Variants in PRRC2C observed in about 807,000 individuals in gnomAD.
PRRC2C encodes the protein proline rich coiled-coil 2C, also known as protein PRRC2C.
A neutral mutation model predicts 317.2 loss-of-function variants in PRRC2C; 72 were observed. That is an observed-to-expected ratio of 0.23 (90% CI 0.19 to 0.28). PRRC2C has a LOEUF of 0.28. PRRC2C is among the 10% of genes least tolerant of loss of function. The pLI, the probability that PRRC2C is intolerant of heterozygous loss-of-function variation, is 1.00. For synonymous variants in PRRC2C, 1,296 were observed against 1,205.9 expected (o/e 1.07, Z -1.55); for missense variants, 3,074 against 3,459.7 (o/e 0.89, Z 2.80).
At position 171,558,573 on chromosome 1, in the gene PRRC2C, T is replaced by C. The variant is rs546732300; in HGVS notation, c.6031+430T>C. On this transcript the variant is annotated intron_variant, in intron 19 of 34. Coordinates refer to ENST00000647382, the MANE Select transcript of PRRC2C (RefSeq NM_001387844.1). ...CAAATTTTTCATCATTTATCTGTTATGGTGGTCAGTTATCTTTGATATTGT... is the reference window on the plus strand; with the variant it reads ...CAAATTTTTCATCATTTATCTGTTACGGTGGTCAGTTATCTTTGATATTGT... Among the ~76,000 whole-genome samples, 21 of 152,346 alleles carry C rather than the reference T, an allele frequency of 1.4e-4. No individual in the cohort carries two copies. The East Asian group carries it at 2.9e-3, about 21-fold the overall frequency.
intron 16 of PRRC2C, among the ~76,000 whole-genome samples, chr1:171,542,576 C>G (rs960415619): frequency 6.6e-6 from 1 of 152,134 alleles, no homozygotes; most frequent in African/African-American, 2.4e-5. Flanking sequence ...CCTAATAAAC[C>G]TCTAATGCTA....
intron 1 of PRRC2C, among the ~76,000 whole-genome samples, chr1:171,506,645 G>T: frequency 7.1e-6 from 1 of 141,772 alleles, no homozygotes; most frequent in African/African-American, 2.6e-5. Context: ...TTTCCCATTG[G>T]ATAGCTTCTA....
At chr1:171,570,293 T>C (rs377210426) in intron 23 of PRRC2C, among the ~76,000 whole-genome samples, 1 of 152,320 alleles carries the variant, frequency 6.6e-6, no homozygotes, top group African/African-American at 2.4e-5. Context: ...CACATAGAAC[T>C]TTTGTCTTTC....
At chr1:171,578,464 A>T (rs1647705088) in intron 26 of PRRC2C, among the ~76,000 whole-genome samples, 1 of 152,056 alleles carries the variant, frequency 6.6e-6, no homozygotes, top group African/African-American at 2.4e-5. Flanking sequence ...GAGGTGAGAG[A>T]ATCATTTGAA....
At chr1:171,572,066 A>G (rs1684852667) in intron 24 of PRRC2C, among the ~76,000 whole-genome samples, 1 of 151,770 alleles carries the variant, frequency 6.6e-6, no homozygotes, top group South Asian at 2.1e-4. Context: ...GTGTTGTTTG[A>G]GAGTATTTTA....
chr1:171,557,441 ACTCCAGTTCCAGCCTCAACCTCAG>A lies in PRRC2C; in HGVS notation c.5334_5357del (p.Ser1784_Thr1791del). The A allele has an allele frequency of 1.3e-6, 2 of 1,546,232 alleles. No homozygotes were observed. The highest frequency in any genetic ancestry group is 1.7e-6 in the Non-Finnish European group (2 of 1,143,998). On this transcript the variant is annotated inframe_deletion, in exon 19 of 35. Coordinates refer to ENST00000647382, the MANE Select transcript of PRRC2C (RefSeq NM_001387844.1). ...CTCAGCTCCACTTCCGGCAACCTTA[ACTCCAGTTCCAGCCTCAACCTCAG>A]CTCCGGTTCCAGCCTCAACTTTAGC...
chr1:171,577,709 T>C, intron 26 of PRRC2C, 72 bp downstream of exon 26: 1 of 1,359,516 alleles, frequency 7.4e-7, no homozygotes. Context: ...TTTTGTCTCT[T>C]CTTACCCTTT....
chr1:171,577,289 A>T (rs1450676054), intron 25 of PRRC2C, 145 bp from the exon 26 acceptor site: 1 of 589,808 alleles, frequency 1.7e-6, no homozygotes, highest in Non-Finnish European at 2.9e-6. Flanking sequence ...TTTATAAGCT[A>T]CCTCATCTAC....
chr1:171,583,091 A>G (rs973644433), intron 28 of PRRC2C, among the ~76,000 whole-genome samples: 4 of 152,032 alleles, frequency 2.6e-5, no homozygotes, highest in African/African-American at 9.7e-5. Flanking sequence ...GTCCAGCCTC[A>G]GCTTCCCAAG....
intron 24 of PRRC2C, 69 bp downstream of exon 24, chr1:171,571,490 C>G (rs1553242674): frequency 8.5e-7 from 1 of 1,172,686 alleles, no homozygotes; most frequent in Non-Finnish European, 1.3e-6. Context: ...TAACAATATT[C>G]GTGGGGTATT....
At chr1:171,496,199 CTTTTTTT>C (rs528654548) in intron 1 of PRRC2C, among the ~76,000 whole-genome samples, 15,501 of 76,030 alleles carry the variant, frequency 0.2, 1,007 homozygotes, top group East Asian at 0.49. Context: ...ATTTTTGTGC[CTTTTTTT>C]TTTTTTTTTT....
chr1:171,572,355 T>C (rs1398632803), intron 24 of PRRC2C, among the ~76,000 whole-genome samples: 2 of 152,176 alleles, frequency 1.3e-5, no homozygotes, highest in African/African-American at 4.8e-5. Flanking sequence ...AGGGAAGTTC[T>C]TAATCTCTAA....
chr1:171,526,997 C>G lies in PRRC2C; in HGVS notation c.1201-794C>G, dbSNP rs1400751991. Among the ~76,000 whole-genome samples the G allele has an allele frequency of 2.0e-5, 3 of 151,126 alleles. No individual in the cohort carries two copies. The East Asian group carries it at 5.9e-4, about 30-fold the overall frequency. On this transcript the variant is annotated intron_variant, in intron 10 of 34. Transcript: ENST00000647382. ...CTAATTTTTGTATCTTTAGTAGAGA[C>G]AGGTTTCGCCATGTTCGCCAGGCTG...
intron 5 of PRRC2C, among the ~76,000 whole-genome samples, chr1:171,516,724 C>T (rs1437963701): frequency 6.6e-6 from 1 of 152,158 alleles, no homozygotes; most frequent in East Asian, 1.9e-4. Flanking sequence ...GGCCAAGGGA[C>T]TCTCTCTCAA....
chr1:171,501,548 GAGAA>G (rs1376470016), intron 1 of PRRC2C, among the ~76,000 whole-genome samples: 1 of 152,198 alleles, frequency 6.6e-6, no homozygotes, highest in Admixed American at 6.5e-5. Flanking sequence ...TCCTTAAACA[GAGAA>G]AGAAAGGTGT....
At chr1:171,553,762 A>T (rs566465251) in intron 18 of PRRC2C, among the ~76,000 whole-genome samples, 1 of 152,120 alleles carries the variant, frequency 6.6e-6, no homozygotes, top group Non-Finnish European at 1.5e-5. Flanking sequence ...TTCAGTTTCC[A>T]TGTAGTTGTG....
intron 7 of PRRC2C, 136 bp downstream of exon 7, chr1:171,522,395 A>G (rs1673741690): frequency 8.6e-6 from 4 of 465,754 alleles, no homozygotes; most frequent in South Asian, 5.2e-5. Flanking sequence ...TCATTAGTAA[A>G]TAATTGGCTA....
At chr1:171,506,687 T>TTG (rs34060083) in intron 1 of PRRC2C, among the ~76,000 whole-genome samples, 36,451 of 136,396 alleles carry the variant, frequency 0.27, 4,951 homozygotes, top group South Asian at 0.46. Flanking sequence ...TTTTTTTTCT[T>TTG]TGTGTGTGTG....
chr1:171,567,647 A>G (rs940716174), intron 22 of PRRC2C, among the ~76,000 whole-genome samples: 1 of 151,898 alleles, frequency 6.6e-6, no homozygotes, highest in Non-Finnish European at 1.5e-5. Context: ...TAAGCTAAGA[A>G]TGAATGTGGG....
Sources: allele counts gnomAD v4.1 joint callset (sites outside exome capture counted in the v4.1 genomes callset), GRCh38; gene constraint gnomAD v4.1.1; transcripts MANE v1.5; gene names NCBI Gene and HGNC (gene_info 2026-07-23, HGNC 2026-07-21).